The following SYNPO2 variants were observed in gnomAD, a reference collection of about 807,000 sequenced individuals.
SYNPO2 encodes the protein synaptopodin-2.
In SYNPO2, 56 loss-of-function variants were observed where a neutral mutation model predicts 85.0. That is an observed-to-expected ratio of 0.66 (90% CI 0.53 to 0.82). SYNPO2 has a LOEUF of 0.82. Among genes scored for constraint, SYNPO2 ranks in the 40% least tolerant of loss-of-function variants. The pLI, the probability that SYNPO2 is intolerant of heterozygous loss-of-function variation, is 0.00. For synonymous variants in SYNPO2, 602 were observed against 591.1 expected (o/e 1.02, Z -0.27); for missense variants, 1,575 against 1,534.2 (o/e 1.03, Z -0.44).
intron 1 of SYNPO2, among the ~76,000 whole-genome samples, chr4:119,000,504 C>T (rs1375122614): frequency 1.3e-5 from 2 of 152,176 alleles, no homozygotes; most frequent in African/African-American, 2.4e-5. Flanking sequence ...CAGACACACA[C>T]GAGTAATACA....
intron 3 of SYNPO2, 108 bp downstream of exon 3, chr4:119,027,546 C>A: frequency 9.3e-7 from 1 of 1,079,984 alleles, no homozygotes; most frequent in Non-Finnish European, 1.3e-6. Flanking sequence ...TTCTCATTGG[C>A]TTAAAGAAAT....
intron 1 of SYNPO2, among the ~76,000 whole-genome samples, chr4:118,873,619 A>G (rs1221053680): frequency 1.3e-5 from 2 of 152,096 alleles, no homozygotes; most frequent in Non-Finnish European, 2.9e-5. Context: ...TTGGATATAT[A>G]GTTTGGTGAT....
At chr4:118,923,685 T>C (rs1243616133) in intron 1 of SYNPO2, among the ~76,000 whole-genome samples, 1 of 152,162 alleles carries the variant, frequency 6.6e-6, no homozygotes, top group Non-Finnish European at 1.5e-5. Flanking sequence ...CTGTAGCATC[T>C]CTTCTAGAAT....
At chr4:118,986,115 G>A (rs796452331) in intron 1 of SYNPO2, among the ~76,000 whole-genome samples, 7 of 152,234 alleles carry the variant, frequency 4.6e-5, no homozygotes, top group African/African-American at 1.7e-4. Flanking sequence ...CCAACCCCCA[G>A]CATAAATGAC....
Position 118,964,951 on chromosome 4 carries a change from G to A in SYNPO2, c.106-58479G>A, listed in dbSNP as rs977616654. Among the ~76,000 whole-genome samples, 10 of 152,278 alleles carry A rather than the reference G, an allele frequency of 6.6e-5. No individual in the cohort carries two copies. In the South Asian group the frequency reaches 8.3e-4, roughly 13 times the overall value. ...GAGATCTGACTGGAATCAGCACAAA[G>A]CTTCCATTTCATGTCCTTTCGAAGC... On this transcript the variant is annotated intron_variant, in intron 1 of 4. Coordinates refer to ENST00000307142, the MANE Select transcript of SYNPO2 (RefSeq NM_133477.3).
At chr4:119,032,915 C>T (rs1738344326) in intron 4 of SYNPO2, 1 of 957,784 alleles carries the variant, frequency 1.0e-6, no homozygotes, top group Non-Finnish European at 1.2e-6. Context: ...GGATAATTAT[C>T]TTTAAAGGTT....
chr4:118,974,440 C>T (rs1442882802), intron 1 of SYNPO2, among the ~76,000 whole-genome samples: 1 of 152,232 alleles, frequency 6.6e-6, no homozygotes, highest in Non-Finnish European at 1.5e-5. Context: ...GATTTCTTGC[C>T]AGATTAGGTT....
intron 4 of SYNPO2, among the ~76,000 whole-genome samples, chr4:119,055,908 A>C (rs1431545814): frequency 6.6e-6 from 1 of 152,220 alleles, no homozygotes; most frequent in East Asian, 1.9e-4. Context: ...ATAATAAAAA[A>C]AAAACGAAAC....
chr4:118,953,571 G>C (rs183157445), intron 1 of SYNPO2, among the ~76,000 whole-genome samples: 1 of 151,280 alleles, frequency 6.6e-6, no homozygotes, highest in South Asian at 2.1e-4. Context: ...GAGAGACTCT[G>C]GAGGACTCAA....
At chr4:118,876,880 T>C (rs1246325218) in intron 1 of SYNPO2, among the ~76,000 whole-genome samples, 1 of 151,740 alleles carries the variant, frequency 6.6e-6, no homozygotes, top group African/African-American at 2.4e-5. Flanking sequence ...AACGTTGACC[T>C]CCCAGCCTGA....
At chr4:118,863,011 A>G (rs1217772269) in intron 1 of SYNPO2, among the ~76,000 whole-genome samples, 5 of 152,022 alleles carry the variant, frequency 3.3e-5, no homozygotes, top group Non-Finnish European at 7.4e-5. Context: ...GGATTTCACC[A>G]TCTTGGCCAG....
At chr4:119,024,358 G>T (rs1381880732) in intron 2 of SYNPO2, among the ~76,000 whole-genome samples, 2 of 152,174 alleles carry the variant, frequency 1.3e-5, no homozygotes, top group Admixed American at 1.3e-4. Flanking sequence ...GAAAGCTTTG[G>T]CTTCCTGGAG....
chr4:118,853,650 A>C (rs1375741061), intron 1 of SYNPO2, among the ~76,000 whole-genome samples: 1 of 151,954 alleles, frequency 6.6e-6, no homozygotes, highest in Non-Finnish European at 1.5e-5. Flanking sequence ...AACAATGTAC[A>C]TTTGGACTCA....
At chr4:118,882,215 C>G (rs899259765) in intron 1 of SYNPO2, among the ~76,000 whole-genome samples, 1 of 152,176 alleles carries the variant, frequency 6.6e-6, no homozygotes, top group African/African-American at 2.4e-5. Flanking sequence ...TATTTCAAAG[C>G]TCCAAATTTT....
intron 1 of SYNPO2, among the ~76,000 whole-genome samples, chr4:118,875,892 T>C (rs1280870165): frequency 6.6e-6 from 1 of 152,208 alleles, no homozygotes; most frequent in Non-Finnish European, 1.5e-5. Flanking sequence ...GCAATAACTT[T>C]ACATGAATGC....
chr4:119,029,953 G>T lies in SYNPO2; in HGVS notation c.1178G>T (p.Gly393Val). 2 of 1,614,064 alleles carry T rather than the reference G, an allele frequency of 1.2e-6. No individual in the cohort carries two copies. The highest frequency in any genetic ancestry group is 2.7e-5 in the African/African-American group (2 of 75,000). Residue 393 changes from glycine to valine, a missense_variant, in exon 4 of 5, where the codon GGG (glycine) becomes GTG (valine). Gly to Val is a moderately radical substitution (Grantham distance 109). This residue lies in a region of SYNPO2 where 1,508 missense variants were observed against 1,446.8 expected (regional missense o/e 1.04). Transcript: ENST00000307142. Reference protein sequence around the residue: ...LTDAPNPNSKGVLMFKKRRRR... With the variant: ...LTDAPNPNSKVVLMFKKRRRR... ...GATGCTCCCAACCCCAACTCCAAGG[G>T]GGTGTTGATGTTTAAGAAGCGACGT...
At chr4:118,881,501 A>G (rs1474837166) in intron 1 of SYNPO2, among the ~76,000 whole-genome samples, 1 of 152,118 alleles carries the variant, frequency 6.6e-6, no homozygotes, top group Non-Finnish European at 1.5e-5. Context: ...AGGCCACCCA[A>G]TCCGTGGCGT....
intron 4 of SYNPO2, among the ~76,000 whole-genome samples, chr4:119,040,630 T>G (rs1738679145): frequency 6.6e-6 from 1 of 152,232 alleles, no homozygotes; most frequent in Admixed American, 6.5e-5. Flanking sequence ...GTAGTGGACT[T>G]AGTAATATGA....
At chr4:119,047,142 C>G (rs540999436) in intron 4 of SYNPO2, among the ~76,000 whole-genome samples, 2 of 152,150 alleles carry the variant, frequency 1.3e-5, no homozygotes, top group Non-Finnish European at 1.5e-5. Flanking sequence ...CTCACTGCAA[C>G]CTCTGCCTCC....
Sources: allele counts gnomAD v4.1 joint callset (sites outside exome capture counted in the v4.1 genomes callset), GRCh38; gene constraint gnomAD v4.1.1; regional missense constraint gnomAD v4.1.1; transcripts MANE v1.5; gene names NCBI Gene and HGNC (gene_info 2026-07-23, HGNC 2026-07-21).